The following OTOGL variants were observed in gnomAD, a reference collection of about 807,000 sequenced individuals.
OTOGL encodes otogelin-like protein.
In OTOGL, 285 loss-of-function variants were observed where a neutral mutation model predicts 318.5. The ratio of observed to expected loss-of-function variants is 0.89; its 90% CI spans 0.81 to 0.99. The LOEUF (loss-of-function observed/expected upper bound fraction) is 0.99. Among genes scored for constraint, OTOGL ranks in the 50% least tolerant of loss-of-function variants. OTOGL has a pLI of 0.00. For missense variants in OTOGL, 2,899 were observed against 2,845.6 expected, an observed-to-expected ratio of 1.02 and a Z score of -0.43; for synonymous variants, 987 against 936.5, an observed-to-expected ratio of 1.05 and a Z score of -0.99.
chr12:80,222,312 A>G, intron 7 of OTOGL, 67 bp downstream of exon 7: 1 of 1,395,606 alleles, frequency 7.2e-7, no homozygotes, highest in Non-Finnish European at 9.6e-7. Flanking sequence ...TTTTTAAAGT[A>G]CTGGGAAAAT....
intron 1 of OTOGL, among the ~76,000 whole-genome samples, chr12:80,174,716 T>C (rs1874417435): frequency 6.6e-6 from 1 of 152,202 alleles, no homozygotes; most frequent in Admixed American, 6.5e-5. Flanking sequence ...TATCTAATCA[T>C]CTTTCCAAAA....
chr12:80,237,049 C>T (rs1879930336), intron 9 of OTOGL, among the ~76,000 whole-genome samples: 1 of 151,828 alleles, frequency 6.6e-6, no homozygotes, highest in African/African-American at 2.4e-5. Flanking sequence ...TCCTGGCCTC[C>T]TGTGATCCAC....
At chr12:80,275,476 A>C (rs1883732975) in intron 24 of OTOGL, among the ~76,000 whole-genome samples, 5 of 151,966 alleles carry the variant, frequency 3.3e-5, no homozygotes, top group Admixed American at 2.6e-4. Flanking sequence ...TGGTTTCTTG[A>C]GATGTGATCT....
At chr12:80,369,898 A>G (rs1161441864) in intron 55 of OTOGL, among the ~76,000 whole-genome samples, 2 of 152,020 alleles carry the variant, frequency 1.3e-5, no homozygotes, top group Non-Finnish European at 2.9e-5. Context: ...AACTACTTTT[A>G]TTTTTTAAAT....
intron 1 of OTOGL, among the ~76,000 whole-genome samples, chr12:80,144,193 C>T (rs1872164325): frequency 6.6e-6 from 1 of 152,104 alleles, no homozygotes; most frequent in South Asian, 2.1e-4. Flanking sequence ...TCTCCCAATG[C>T]TATCCCTTCC....
intron 1 of OTOGL, among the ~76,000 whole-genome samples, chr12:80,100,119 T>C (rs922752692): frequency 3.3e-5 from 5 of 152,224 alleles, no homozygotes; most frequent in African/African-American, 9.6e-5. Context: ...CTATCCATAA[T>C]TGGCAGGTTT....
intron 32 of OTOGL, among the ~76,000 whole-genome samples, chr12:80,317,380 A>G (rs941342564): frequency 1.3e-5 from 2 of 152,152 alleles, no homozygotes; most frequent in African/African-American, 2.4e-5. Flanking sequence ...CTGAGAGTCA[A>G]TTCAAAAGCT....
intron 37 of OTOGL, among the ~76,000 whole-genome samples, chr12:80,332,312 A>G (rs1888126306): frequency 6.6e-6 from 1 of 152,190 alleles, no homozygotes; most frequent in Non-Finnish European, 1.5e-5. Flanking sequence ...ATAGGAAACT[A>G]ATGAGGTTAT....
At chr12:80,162,832 G>T (rs537976553) in intron 1 of OTOGL, among the ~76,000 whole-genome samples, 4 of 151,568 alleles carry the variant, frequency 2.6e-5, no homozygotes, top group Admixed American at 6.6e-5. Flanking sequence ...TTTTTCTTGT[G>T]GGGGGTGGGG....
chr12:80,257,766 C>A, intron 17 of OTOGL, 59 bp from the exon 18 acceptor site: 1 of 1,346,314 alleles, frequency 7.4e-7, no homozygotes, highest in Non-Finnish European at 1.0e-6. Flanking sequence ...TGTACCCTAG[C>A]ATTTCAGAAC....
chr12:80,149,526 T>C (rs1286114884), intron 1 of OTOGL, among the ~76,000 whole-genome samples: 1 of 152,142 alleles, frequency 6.6e-6, no homozygotes, highest in Non-Finnish European at 1.5e-5. Flanking sequence ...TTTTTGTTTG[T>C]CTGTGCCCTG....
intron 1 of OTOGL, among the ~76,000 whole-genome samples, chr12:80,104,380 G>A (rs1869326695): frequency 6.6e-6 from 1 of 152,174 alleles, no homozygotes; most frequent in Middle Eastern, 3.2e-3. Context: ...ATCACTGGGG[G>A]AGCTTTAAAA....
At chr12:80,219,659 G>T (rs1378571762) in intron 5 of OTOGL, among the ~76,000 whole-genome samples, 155 bp from the exon 6 acceptor site, 3 of 152,168 alleles carry the variant, frequency 2.0e-5, no homozygotes, top group Non-Finnish European at 2.9e-5. Context: ...ATAGAGACTT[G>T]TTGGGTTTAG....
In OTOGL at chr12:80,258,042, G is replaced by C. The variant is rs530281310; in HGVS notation, c.1889+40G>C. The C allele has an allele frequency of 4.8e-6, 7 of 1,458,104 alleles. No individual in the cohort carries two copies. In the Admixed American group the frequency reaches 1.5e-4, roughly 31 times the overall value. 90.3% of individuals were successfully genotyped at this position (1,458,104 alleles called of 1,614,324 possible). On this transcript the variant is annotated intron_variant, in intron 18 of 58. Coordinates refer to ENST00000547103, the MANE Select transcript of OTOGL (RefSeq NM_001378609.3). ...TGCATAGTTAACATACTTAATGACT[G>C]GTCATTTAAAGGATATAAATTCATT...
At chr12:80,351,029 T>A (rs1032113319) in intron 44 of OTOGL, among the ~76,000 whole-genome samples, 1 of 152,190 alleles carries the variant, frequency 6.6e-6, no homozygotes. Flanking sequence ...GGTTTTGTAG[T>A]TTCAGGTCCT....
chr12:80,244,327 C>G (rs1257234798), intron 11 of OTOGL, among the ~76,000 whole-genome samples: 5 of 115,904 alleles, frequency 4.3e-5, no homozygotes, highest in African/African-American at 9.7e-5. Context: ...CCCCTCCCCC[C>G]ACCCCACCAC....
intron 1 of OTOGL, among the ~76,000 whole-genome samples, chr12:80,110,659 A>G (rs909099584): frequency 1.3e-5 from 2 of 152,096 alleles, no homozygotes; most frequent in Non-Finnish European, 2.9e-5. Context: ...TCATTGATGG[A>G]CATTTGGGTT....
intron 19 of OTOGL, 97 bp from the exon 20 acceptor site, chr12:80,264,904 A>G: frequency 4.1e-6 from 5 of 1,228,604 alleles, no homozygotes; most frequent in Non-Finnish European, 5.9e-6. Context: ...TAAAAGTAAT[A>G]TGCACTACAG....
At chr12:80,103,011 C>G (rs1869231051) in intron 1 of OTOGL, 4 of 953,880 alleles carry the variant, frequency 4.2e-6, no homozygotes, top group Admixed American at 3.4e-5. Context: ...CAGTTTTAGC[C>G]TAGTGATAAC....
Sources: gnomAD v4.1 joint callset for allele counts (sites outside exome capture counted in the v4.1 genomes callset) on GRCh38, gnomAD v4.1.1 for gene constraint, MANE v1.5 for transcripts, NCBI Gene and HGNC (gene_info 2026-07-23, HGNC 2026-07-21) for gene names.